PARP8: variants seen among roughly 807,000 people sequenced by gnomAD.
The protein encoded by PARP8 is poly(ADP-ribose) polymerase family member 8, also known as protein mono-ADP-ribosyltransferase PARP8.
Under a neutral mutation model 124.1 loss-of-function variants are expected in PARP8, and 51 were observed. The observed-to-expected ratio is 0.41, with a 90% confidence interval of 0.33 to 0.52. The LOEUF (loss-of-function observed/expected upper bound fraction) is 0.52, where lower values mean the gene tolerates loss of function less well. Ranked by LOEUF, PARP8 falls within the 20% of genes least tolerant of loss-of-function variation. The pLI, the probability that PARP8 is intolerant of heterozygous loss-of-function variation, is 0.21. For missense variants in PARP8, 860 were observed against 1,018.9 expected (o/e 0.84, Z 2.12); for synonymous variants, 391 against 361.5 (o/e 1.08, Z -0.93).
chr5:50,738,992 C>G (rs1247083553), intron 2 of PARP8: 3 of 702,566 alleles, frequency 4.3e-6, no homozygotes, highest in South Asian at 1.5e-5. Context: ...CATTCCTAGA[C>G]TGGCTTCCCA....
At chr5:50,824,341 G>T (rs886774918) in intron 17 of PARP8, among the ~76,000 whole-genome samples, 2 of 152,126 alleles carry the variant, frequency 1.3e-5, no homozygotes, top group African/African-American at 2.4e-5. Context: ...GCACTGCAGT[G>T]GGGGAGAGAG....
At chr5:50,719,697 C>T (rs113827274) in intron 2 of PARP8, among the ~76,000 whole-genome samples, 2,246 of 151,900 alleles carry the variant, frequency 0.015, 57 homozygotes, top group African/African-American at 0.052. Flanking sequence ...GTTTTTGGCT[C>T]CTGTGTTGTA....
At chr5:50,717,940 T>G (rs1755489860) in intron 2 of PARP8, among the ~76,000 whole-genome samples, 1 of 151,758 alleles carries the variant, frequency 6.6e-6, no homozygotes, top group African/African-American at 2.4e-5. Flanking sequence ...TTGATTGGTT[T>G]AAAAGGAAAA....
intron 11 of PARP8, 50 bp downstream of exon 11, chr5:50,794,382 A>C (rs373353427): frequency 1.3e-6 from 2 of 1,590,498 alleles, no homozygotes; most frequent in East Asian, 4.5e-5. Flanking sequence ...TGAGTGTGTG[A>C]TGTAGTTCAT....
intron 15 of PARP8, among the ~76,000 whole-genome samples, chr5:50,818,413 G>T (rs1745360600): frequency 6.6e-6 from 1 of 152,002 alleles, no homozygotes; most frequent in African/African-American, 2.4e-5. Context: ...ATTTTTTTGT[G>T]GAGACAGGAT....
chr5:50,752,687 A>G (rs549568852), intron 3 of PARP8, among the ~76,000 whole-genome samples: 33 of 152,140 alleles, frequency 2.2e-4, no homozygotes, highest in Admixed American at 1.6e-3. Flanking sequence ...CAATTTCTAA[A>G]TGCAGTAATC....
rs533835353 is a variant in PARP8 at position 50,780,508 on chromosome 5, G to A, written c.670+1858G>A. Among the ~76,000 whole-genome samples the A allele has an allele frequency of 2.0e-4, 31 of 152,174 alleles. No individual in the cohort carries two copies. In the South Asian group the frequency reaches 4.4e-3, roughly 21 times the overall value. ...TTTTTTGATATAATCTTGAATGTAA[G>A]GGAGATATTTTCCTTCACAATATCT... On this transcript the variant is annotated intron_variant, in intron 9 of 25. Transcript: ENST00000281631.
chr5:50,744,903 C>T, intron 2 of PARP8: 3 of 634,346 alleles, frequency 4.7e-6, no homozygotes, highest in Non-Finnish European at 8.4e-6. Context: ...TTATTATGTA[C>T]AGCACATACT....
intron 24 of PARP8, 86 bp downstream of exon 24, chr5:50,834,134 C>T (rs757869073): frequency 1.2e-4 from 135 of 1,084,076 alleles, no homozygotes; most frequent in Non-Finnish European, 1.7e-4. Flanking sequence ...AGAGTGCTTA[C>T]GGTGGAATAG....
intron 14 of PARP8, among the ~76,000 whole-genome samples, chr5:50,802,027 A>G (rs554524546): frequency 8.5e-5 from 13 of 152,310 alleles, no homozygotes; most frequent in African/African-American, 2.9e-4. Flanking sequence ...TCTTGTTGAT[A>G]GCAAATTGTT....
chr5:50,744,065 A>G (rs767294340), intron 2 of PARP8, among the ~76,000 whole-genome samples: 32 of 152,246 alleles, frequency 2.1e-4, no homozygotes, highest in Non-Finnish European at 1.2e-4. Context: ...CTGAGGATCC[A>G]GGAGTTTGAC....
chr5:50,666,449 C>G (rs949353771), upstream of PARP8: 41 of 151,756 alleles, frequency 2.7e-4, no homozygotes, highest in Non-Finnish European at 7.4e-5. Flanking sequence ...GCTCAGCTCC[C>G]GGCGCGAGTG....
intron 3 of PARP8, chr5:50,757,176 G>A (rs192333457): frequency 2.9e-5 from 13 of 455,612 alleles, no homozygotes; most frequent in Middle Eastern, 6.5e-4. Context: ...CAAGATCCTG[G>A]TTCCGTTTCC....
chr5:50,794,216 G>A lies in PARP8; in HGVS notation c.747G>A (p.Gln249=). ...ACCTTTGGATTGACAGAATCATGCA[G>A]ACATTTGTTACACAGCAGTGGAAAC... ...GLGHQLKKIM[Q]TFVTQQWKQS... The change falls in exon 11 of 26, where the codon CAG becomes CAA. Residue 249 remains glutamine, a synonymous_variant. Transcript: ENST00000281631. 6.2e-7 allele frequency: 1 copy of A among 1,611,436 alleles called. No homozygotes were observed. Among genetic ancestry groups the A allele is most frequent in the Non-Finnish European group, 8.5e-7 (1 of 1,178,592 alleles).
At chr5:50,670,758 C>G (rs1749918181) in intron 2 of PARP8, among the ~76,000 whole-genome samples, 1 of 152,172 alleles carries the variant, frequency 6.6e-6, no homozygotes, top group South Asian at 2.1e-4. Context: ...TAAACCTGTT[C>G]CATCACACTC....
At chr5:50,749,880 G>A (rs111550241) in intron 2 of PARP8, among the ~76,000 whole-genome samples, 1 of 152,078 alleles carries the variant, frequency 6.6e-6, no homozygotes, top group East Asian at 1.9e-4. Context: ...TAAAAGACCT[G>A]TCTATACTAA....
intron 2 of PARP8, among the ~76,000 whole-genome samples, chr5:50,737,030 ACTCT>A (rs1256881872): frequency 6.6e-6 from 1 of 151,816 alleles, no homozygotes; most frequent in African/African-American, 2.4e-5. Flanking sequence ...AAATGAAGAA[ACTCT>A]CTCCACCTGA....
At chr5:50,823,586 A>G (rs1203144571) in intron 17 of PARP8, among the ~76,000 whole-genome samples, 4 of 152,344 alleles carry the variant, frequency 2.6e-5, no homozygotes, top group Non-Finnish European at 4.4e-5. Flanking sequence ...CCTAGGAGAA[A>G]AAAAGAACAT....
intron 9 of PARP8, among the ~76,000 whole-genome samples, chr5:50,779,483 C>A (rs941386875): frequency 1.3e-5 from 2 of 152,150 alleles, no homozygotes; most frequent in African/African-American, 4.8e-5. Flanking sequence ...TAGGGACTCA[C>A]CTGAGGCTTT....
Sources: allele counts gnomAD v4.1 joint callset (sites outside exome capture counted in the v4.1 genomes callset), GRCh38; gene constraint gnomAD v4.1.1; transcripts MANE v1.5; gene names NCBI Gene and HGNC (gene_info 2026-07-23, HGNC 2026-07-21).